Variants in CRB1 observed in about 807,000 individuals in gnomAD.
The protein encoded by CRB1 is protein crumbs homolog 1.
In CRB1, 83 loss-of-function variants were observed where a neutral mutation model predicts 120.0. The observed-to-expected ratio is 0.69, with a 90% CI of 0.58 to 0.83. The LOEUF is 0.83. Ranked by LOEUF, CRB1 falls within the 40% of genes least tolerant of loss-of-function variation. The pLI is 0.00. For synonymous variants in CRB1, 625 were observed against 612.5 expected (o/e 1.02, Z -0.30); for missense variants, 1,699 against 1,687.6 (o/e 1.01, Z -0.12).
At chr1:197,388,383 A>G (rs1662328559) in intron 5 of CRB1, among the ~76,000 whole-genome samples, 1 of 152,070 alleles carries the variant, frequency 6.6e-6, no homozygotes, top group Non-Finnish European at 1.5e-5. Context: ...GAGACTAAGA[A>G]AAAAAACTCA....
the CRB1 span, among the ~76,000 whole-genome samples, chr1:197,248,290 A>G: frequency 2.0e-5 from 3 of 152,006 alleles, no homozygotes; most frequent in African/African-American, 7.2e-5. Flanking sequence ...TTATTGTATA[A>G]AACGAAATAT....
At chr1:197,238,231 T>C in the CRB1 span, among the ~76,000 whole-genome samples, 1 of 152,202 alleles carries the variant, frequency 6.6e-6, no homozygotes, top group Non-Finnish European at 1.5e-5. Context: ...GTTTTTTTAA[T>C]AAGTTTACAT....
intron 1 of CRB1, among the ~76,000 whole-genome samples, chr1:197,280,084 A>G (rs1655436096): frequency 6.6e-6 from 1 of 151,870 alleles, no homozygotes; most frequent in African/African-American, 2.4e-5. Context: ...ATTTTTTAAT[A>G]TGAGTAGTTT....
intron 11 of CRB1, among the ~76,000 whole-genome samples, chr1:197,465,991 G>A (rs568583172): frequency 6.6e-6 from 1 of 152,146 alleles, no homozygotes; most frequent in East Asian, 1.9e-4. Flanking sequence ...TGGGTGACTT[G>A]ACGCCACACT....
chr1:197,395,023 C>A lies in CRB1; in HGVS notation c.1172-25977C>A, dbSNP rs115819609. 3.6e-3 allele frequency among the ~76,000 whole-genome samples: 549 copies of A among 152,130 alleles called. 3 individuals are homozygous for A. The highest frequency in any genetic ancestry group is 0.013 in the African/African-American group (529 of 41,528). ...TTGTACCATATGGTTGGCATAGTAA[C>A]CCTGGGGTATTGTTACTGCTACCAC... On this transcript the variant is annotated intron_variant, in intron 5 of 11. Transcript: ENST00000367400.
the CRB1 span, among the ~76,000 whole-genome samples, chr1:197,245,236 G>A: frequency 3.3e-5 from 5 of 151,890 alleles, no homozygotes; most frequent in African/African-American, 7.2e-5. Flanking sequence ...AACAGGCCCC[G>A]GTGTGTGGAG....
intron 11 of CRB1, among the ~76,000 whole-genome samples, chr1:197,456,103 T>TA (rs1237554680): frequency 6.6e-6 from 1 of 152,196 alleles, no homozygotes; most frequent in East Asian, 1.9e-4. Context: ...TTGATAATCC[T>TA]ATGCTGATAA....
intron 2 of CRB1, among the ~76,000 whole-genome samples, chr1:197,336,749 A>G (rs1240125977): frequency 6.6e-6 from 1 of 152,208 alleles, no homozygotes; most frequent in African/African-American, 2.4e-5. Flanking sequence ...AATGCTCACA[A>G]ATTATTCTGG....
chr1:197,251,570 A>C, the CRB1 span, among the ~76,000 whole-genome samples: 2 of 152,052 alleles, frequency 1.3e-5, no homozygotes, highest in Admixed American at 6.6e-5. Context: ...TCCTCAAAAT[A>C]TCTCTTCTAC....
At chr1:197,312,666 A>G (rs1266893702) in intron 1 of CRB1, among the ~76,000 whole-genome samples, 2 of 152,182 alleles carry the variant, frequency 1.3e-5, no homozygotes, top group African/African-American at 2.4e-5. Context: ...AAATAATGAC[A>G]ATTATCTATT....
chr1:197,387,492 C>G (rs903994082), intron 5 of CRB1, among the ~76,000 whole-genome samples: 1 of 151,840 alleles, frequency 6.6e-6, no homozygotes, highest in Non-Finnish European at 1.5e-5. Flanking sequence ...TTCCCTGTGC[C>G]GCTCCATAGA....
At chr1:197,324,401 C>T (rs758588968) in intron 1 of CRB1, among the ~76,000 whole-genome samples, 48 of 152,056 alleles carry the variant, frequency 3.2e-4, no homozygotes, top group Non-Finnish European at 5.9e-4. Context: ...ACTTTGGACC[C>T]TGCATTGAAA....
intron 1 of CRB1, among the ~76,000 whole-genome samples, chr1:197,317,389 G>A (rs1657917260): frequency 6.6e-6 from 1 of 152,016 alleles, no homozygotes; most frequent in Non-Finnish European, 1.5e-5. Context: ...TTGCACTCCA[G>A]CCTGGGTGAC....
chr1:197,375,124 A>G (rs984886092), intron 5 of CRB1, among the ~76,000 whole-genome samples: 4 of 152,160 alleles, frequency 2.6e-5, no homozygotes, highest in African/African-American at 9.7e-5. Flanking sequence ...CTTTGTTGCC[A>G]TAACTGTTGG....
intron 5 of CRB1, among the ~76,000 whole-genome samples, chr1:197,412,154 G>A (rs982594308): frequency 1.3e-5 from 2 of 152,194 alleles, no homozygotes; most frequent in Non-Finnish European, 2.9e-5. Context: ...ACTACTAGAG[G>A]TAACCATAAT....
intron 1 of CRB1, 87 bp downstream of exon 1, chr1:197,268,569 TA>T (rs1654730325): frequency 9.4e-7 from 1 of 1,059,254 alleles, no homozygotes; most frequent in African/African-American, 1.6e-5. Flanking sequence ...TTGCATGTTC[TA>T]TAAAATACAA....
At chr1:197,332,165 A>G (rs1658896964) in intron 2 of CRB1, among the ~76,000 whole-genome samples, 1 of 152,052 alleles carries the variant, frequency 6.6e-6, no homozygotes, top group South Asian at 2.1e-4. Flanking sequence ...AAAAAACAAA[A>G]CAAACAAAAA....
chr1:197,421,010 C>T lies in CRB1; in HGVS notation c.1182C>T (p.Cys394=), dbSNP rs115352681. ...ICQPGFTGIH[C]EEDVNECSSN... is the part of the protein sequence containing the mutation. ...TTTATTATTTAACAGGAATCCACTG[C>T]GAAGAAGACGTCAATGAATGTTCTT... Residue 394 remains cysteine, a synonymous_variant, in exon 6 of 12, where the codon TGC becomes TGT. Coordinates refer to ENST00000367400, the MANE Select transcript of CRB1 (RefSeq NM_201253.3). 90 of 1,581,950 alleles carry T rather than the reference C, an allele frequency of 5.7e-5. No homozygotes were observed. In the East Asian group the frequency reaches 6.9e-4, roughly 12 times the overall value.
the CRB1 span, among the ~76,000 whole-genome samples, chr1:197,228,833 G>A: frequency 6.6e-6 from 1 of 152,192 alleles, no homozygotes; most frequent in Non-Finnish European, 1.5e-5. Context: ...CATGACTGGG[G>A]AGGCCTCAGA....
Sources: gnomAD v4.1 joint callset for allele counts (sites outside exome capture counted in the v4.1 genomes callset) on GRCh38, gnomAD v4.1.1 for gene constraint, MANE v1.5 for transcripts, NCBI Gene and HGNC (gene_info 2026-07-23, HGNC 2026-07-21) for gene names.